The following MRPL37 variants were observed in gnomAD, a reference collection of about 807,000 sequenced individuals.
MRPL37 encodes the protein mitochondrial ribosomal protein L37, also known as large ribosomal subunit protein mL37.
MRPL37 carries 34 observed loss-of-function variants against 44.1 expected under a neutral mutation model. That is an observed-to-expected ratio of 0.77 (90% CI 0.59 to 1.03). The LOEUF (loss-of-function observed/expected upper bound fraction) is 1.03, where lower values mean the gene tolerates loss of function less well. MRPL37 is among the 50% of genes least tolerant of loss of function. The pLI, the probability that MRPL37 is intolerant of heterozygous loss-of-function variation, is 0.00. For synonymous variants in MRPL37, 212 were observed against 219.5 expected (o/e 0.97, Z 0.30); for missense variants, 532 against 543.7 (o/e 0.98, Z 0.21).
chr1:54,212,532 C>A lies in MRPL37; in HGVS notation c.864C>A (p.Pro288=), dbSNP rs769995573. The A allele has an allele frequency of 6.2e-7, 1 of 1,614,172 alleles. No individual in the cohort carries two copies. The highest frequency in any genetic ancestry group is 1.6e-4 in the Middle Eastern group (1 of 6,062). Residue 288 remains proline, a synonymous_variant, in exon 5 of 7, where the codon CCC becomes CCA. Transcript: ENST00000360840. ...AGGAAGGCTATCCTTACCCCTATCC[C>A]CATACCCTGTACTTACTGGACAAAG... ...GFQEGYPYPY[P]HTLYLLDKAN...
At chr1:54,213,467 G>C (rs990563644) in intron 5 of MRPL37, among the ~76,000 whole-genome samples, 2 of 152,196 alleles carry the variant, frequency 1.3e-5, no homozygotes, top group African/African-American at 4.8e-5. Flanking sequence ...GGGAGTTGGA[G>C]AGCCATGGTT....
Position 54,216,197 on chromosome 1 carries a change from A to G in MRPL37, c.1047A>G (p.Gly349=). ...PVVVQSVGTD[G]RVFHFLVFQL... is the part of the protein sequence containing the mutation. ...TGGTGCAGAGCGTGGGCACGGATGGACGTGTCTTCCATTTCCTAGTGTTTC... is the reference window on the plus strand; with the variant it reads ...TGGTGCAGAGCGTGGGCACGGATGGGCGTGTCTTCCATTTCCTAGTGTTTC... Residue 349 remains glycine, a synonymous_variant, in exon 6 of 7, where the codon GGA becomes GGG. Transcript: ENST00000360840. The G allele has an allele frequency of 1.2e-6, 2 of 1,614,176 alleles. No individual in the cohort carries two copies. Among genetic ancestry groups the G allele is most frequent in the Non-Finnish European group, 8.5e-7 (1 of 1,180,028 alleles).
chr1:54,225,412 C>T (rs1644271128), downstream of MRPL37: 24 of 1,233,806 alleles, frequency 1.9e-5, no homozygotes, highest in African/African-American at 4.7e-5. Context: ...CCCACATTCC[C>T]CAAACATGTC....
At position 54,205,077 on chromosome 1, in the gene MRPL37, G is replaced by A; in HGVS notation, c.406G>A (p.Val136Met). 6.2e-7 allele frequency: 1 copy of A among 1,614,114 alleles called. No individual in the cohort carries two copies. The highest frequency in any genetic ancestry group is 8.5e-7 in the Non-Finnish European group (1 of 1,180,030). Residue 136 changes from valine (V) to methionine (M), a missense_variant, in exon 2 of 7, where the codon GTG (valine) becomes ATG (methionine). Physicochemically the swap from Val to Met is conservative, Grantham distance 21 (BLOSUM62 1). Transcript: ENST00000360840. ...TKLIEGLPEK[V>M]LSLVDDPRNH... is the part of the protein sequence containing the mutation. ...GTTAATAGAAGGCCTTCCCGAGAAA[G>A]TGCTTAGCCTTGTTGATGATCCAAG...
intron 1 of MRPL37, among the ~76,000 whole-genome samples, chr1:54,202,239 T>C (rs1404322303): frequency 6.6e-6 from 1 of 152,166 alleles, no homozygotes; most frequent in Non-Finnish European, 1.5e-5. Flanking sequence ...GGGACTCAAG[T>C]GATCCTCCTG....
At chr1:54,215,076 C>G (rs1644188522) in intron 5 of MRPL37, among the ~76,000 whole-genome samples, 1 of 152,132 alleles carries the variant, frequency 6.6e-6, no homozygotes, top group Non-Finnish European at 1.5e-5. Context: ...GATCTTTGTT[C>G]AGTGAGTAGC....
Position 54,216,305 on chromosome 1 carries a change from T to G in MRPL37, c.1155T>G (p.His385Gln), listed in dbSNP as rs779697949. 6.2e-7 allele frequency: 1 copy of G among 1,614,160 alleles called. No homozygotes were observed. The highest frequency in any genetic ancestry group is 2.2e-5 in the East Asian group (1 of 44,870). Residue 385 changes from histidine to glutamine, a missense_variant, in exon 6 of 7, where the codon CAT becomes CAG. His to Gln is a conservative substitution (Grantham distance 24, BLOSUM62 0). Transcript: ENST00000360840. ...WVDSDQLLYQ[H>Q]FWCLPVIKKR... ...ACTCAGACCAGCTCCTCTATCAGCA[T>G]TTTTGGTGTCTCCCAGTGATCAAAA...
At chr1:54,216,717 A>C (rs1225035111) in intron 6 of MRPL37, among the ~76,000 whole-genome samples, 2 of 152,066 alleles carry the variant, frequency 1.3e-5, no homozygotes, top group African/African-American at 2.4e-5. Context: ...CAGGTTTAGC[A>C]TAAGTGTTTC....
chr1:54,218,302 A>G lies in MRPL37; in HGVS notation c.*53A>G, dbSNP rs1644211599. 23 of 1,613,442 alleles carry G rather than the reference A, an allele frequency of 1.4e-5. No individual in the cohort carries two copies. The highest frequency in any genetic ancestry group is 1.8e-5 in the Non-Finnish European group (21 of 1,179,858). Reference sequence around the variant, plus strand: ...CCCTCTTGCCTCTCTTCCACGGAAGAGGGCCTGGGCCCCGTGGAGCCTCAG... The same window carrying G: ...CCCTCTTGCCTCTCTTCCACGGAAGGGGGCCTGGGCCCCGTGGAGCCTCAG... On this transcript the variant is annotated 3_prime_UTR_variant, in exon 7 of 7. Coordinates refer to ENST00000360840, the MANE Select transcript of MRPL37 (RefSeq NM_016491.4).
downstream of MRPL37, among the ~76,000 whole-genome samples, chr1:54,223,595 T>C (rs1159680066): frequency 1.3e-5 from 2 of 152,140 alleles, no homozygotes; most frequent in Non-Finnish European, 2.9e-5. Context: ...GCAGTGGGGA[T>C]GCCCAGCAGG....
rs1237509891 is a variant in MRPL37 at position 54,209,948 on chromosome 1, T to G, written c.649T>G (p.Ser217Ala). The change falls in exon 4 of 7, where the codon TCT becomes GCT. Residue 217 changes from serine (S) to alanine (A), a missense_variant and splice_region_variant. Physicochemically the swap from Ser to Ala is moderately conservative, Grantham distance 99. Coordinates refer to ENST00000360840, the MANE Select transcript of MRPL37 (RefSeq NM_016491.4). ...GTAACCATTTTTCTCCCTTTTAGAG[T>G]CTCTTCTCCTTCAAGTCCGTGGTTC... ...STFSATWNRE[S>A]LLLQVRGSGG... 6.2e-7 allele frequency: 1 copy of G among 1,613,708 alleles called. No homozygotes were observed. The highest frequency in any genetic ancestry group is 8.5e-7 in the Non-Finnish European group (1 of 1,179,866).
downstream of MRPL37, chr1:54,220,840 C>G (rs1182498524): frequency 2.1e-6 from 1 of 466,968 alleles, no homozygotes; most frequent in Non-Finnish European, 4.5e-6. Flanking sequence ...CTTCCAGCAG[C>G]AGACTTTTGG....
At chr1:54,209,780 A>C (rs536400894) in intron 3 of MRPL37, among the ~76,000 whole-genome samples, 166 bp from the exon 4 acceptor site, 5 of 152,030 alleles carry the variant, frequency 3.3e-5, no homozygotes, top group Non-Finnish European at 5.9e-5. Flanking sequence ...ATTTTTTAGT[A>C]GAGATGGGGC....
rs762036316 is a variant in MRPL37, at chr1:54,218,236, A to G, written c.1259A>G (p.His420Arg). The change falls in exon 7 of 7, where the codon CAT becomes CGT. Residue 420 changes from histidine to arginine, a missense_variant. By Grantham distance (29) the His-to-Arg change is conservative. Transcript: ENST00000360840. ...AGAAAGTTTTTAGCTCTATATTTGC[A>G]TGGTGCTGCGTGAGCGGAGGACCCC... ...TFRKFLALYLHGAA is the reference protein window; with the variant it reads ...TFRKFLALYLRGAA 2.6e-5 allele frequency: 42 copies of G among 1,614,072 alleles called. No individual in the cohort carries two copies. In the African/African-American group the frequency reaches 5.2e-4, roughly 20 times the overall value.
At chr1:54,212,202 G>C (rs1285398071) in intron 4 of MRPL37, among the ~76,000 whole-genome samples, 1 of 152,208 alleles carries the variant, frequency 6.6e-6, no homozygotes, top group Non-Finnish European at 1.5e-5. Flanking sequence ...AGTCAAAACA[G>C]TAAATATTTT....
Position 54,203,150 on chromosome 1 carries a change from C to T in MRPL37, c.347-1868C>T, listed in dbSNP as rs1644096552. Among the ~76,000 whole-genome samples the T allele has an allele frequency of 2.0e-5, 3 of 152,122 alleles. No homozygotes were observed. In the South Asian group the frequency reaches 6.2e-4, roughly 32 times the overall value. On this transcript the variant is annotated intron_variant, in intron 1 of 6. Transcript: ENST00000360840. ...GAATCTATTTTAGTTTGCATATACA[C>T]CATCTTTTATTTATTTATTTATTTT... is the stretch of plus-strand genomic sequence containing the variant.
chr1:54,208,189 T>C (rs1396416805), intron 3 of MRPL37, among the ~76,000 whole-genome samples: 1 of 152,194 alleles, frequency 6.6e-6, no homozygotes, highest in African/African-American at 2.4e-5. Context: ...TTTGACTGGC[T>C]AGGGTTTTCT....
chr1:54,223,490 G>A (rs888941115), downstream of MRPL37, among the ~76,000 whole-genome samples: 1 of 152,202 alleles, frequency 6.6e-6, no homozygotes, highest in South Asian at 2.1e-4. Flanking sequence ...TCTTACCCCC[G>A]CTAGAGCCCT....
intron 1 of MRPL37, among the ~76,000 whole-genome samples, chr1:54,203,766 A>T (rs1029999299): frequency 6.6e-6 from 1 of 152,096 alleles, no homozygotes; most frequent in Non-Finnish European, 1.5e-5. Flanking sequence ...ATGAGCCACC[A>T]TGCCCGGCCT....
Sources: gnomAD v4.1 joint callset for allele counts (sites outside exome capture counted in the v4.1 genomes callset) on GRCh38, gnomAD v4.1.1 for gene constraint, MANE v1.5 for transcripts, NCBI Gene and HGNC (gene_info 2026-07-23, HGNC 2026-07-21) for gene names.